ENTREP2: variants seen among roughly 807,000 people sequenced by gnomAD.
The protein encoded by ENTREP2 is protein ENTREP2.
chr15:29,261,483 C>G, the ENTREP2 span, among the ~76,000 whole-genome samples: 2 of 152,212 alleles, frequency 1.3e-5, no homozygotes, highest in African/African-American at 4.8e-5. Flanking sequence ...CTACTGCACT[C>G]TAGCCTGGGC....
At chr15:29,572,630 A>G in the ENTREP2 span, among the ~76,000 whole-genome samples, 3 of 152,058 alleles carry the variant, frequency 2.0e-5, no homozygotes, top group African/African-American at 7.2e-5. Flanking sequence ...AGAGAAACAC[A>G]CAATAGCCTA....
At chr15:29,599,606 A>C in the ENTREP2 span, among the ~76,000 whole-genome samples, 1 of 152,348 alleles carries the variant, frequency 6.6e-6, no homozygotes, top group African/African-American at 2.4e-5. Context: ...GAAACTGGTC[A>C]TAACAATCGC....
At chr15:29,269,893 G>A in the ENTREP2 span, 14 of 543,076 alleles carry the variant, frequency 2.6e-5, no homozygotes, top group Admixed American at 8.6e-5. Flanking sequence ...GCTGCGGCGG[G>A]TACCAAAAGG....
chr15:29,514,621 T>A, the ENTREP2 span, among the ~76,000 whole-genome samples: 1 of 152,210 alleles, frequency 6.6e-6, no homozygotes, highest in South Asian at 2.1e-4. Flanking sequence ...TGCAGCCCTC[T>A]GTCCACCTTC....
the ENTREP2 span, among the ~76,000 whole-genome samples, chr15:29,398,097 A>C: frequency 6.7e-6 from 1 of 150,340 alleles, no homozygotes; most frequent in Admixed American, 6.7e-5. Context: ...TCAAGGGCCA[A>C]CATCCAAACA....
the ENTREP2 span, among the ~76,000 whole-genome samples, chr15:29,229,238 T>A: frequency 1.3e-5 from 2 of 152,168 alleles, no homozygotes; most frequent in Non-Finnish European, 2.9e-5. Context: ...TTATTAAATG[T>A]ACTACTTTTT....
chr15:29,569,852 C>A, the ENTREP2 span: 1 of 152,650 alleles, frequency 6.6e-6, no homozygotes, highest in Non-Finnish European at 1.5e-5. Flanking sequence ...CCTTGCCTGC[C>A]CCCTGCCCCA....
At chr15:29,205,071 C>A in the ENTREP2 span, among the ~76,000 whole-genome samples, 6 of 152,298 alleles carry the variant, frequency 3.9e-5, no homozygotes, top group East Asian at 1.2e-3. Flanking sequence ...TGGAATCAGG[C>A]AGTATTTGTC....
At chr15:29,655,510 C>G in the ENTREP2 span, among the ~76,000 whole-genome samples, 1 of 151,580 alleles carries the variant, frequency 6.6e-6, no homozygotes, top group Non-Finnish European at 1.5e-5. Flanking sequence ...CACAAGAAAG[C>G]AACAAAAAGC....
the ENTREP2 span, among the ~76,000 whole-genome samples, chr15:29,616,492 T>C: frequency 3.3e-5 from 5 of 152,204 alleles, no homozygotes; most frequent in East Asian, 5.8e-4. Context: ...GAAGCTTTTA[T>C]GGAAGCTTTT....
At chr15:29,148,383 C>A in the ENTREP2 span, among the ~76,000 whole-genome samples, 2 of 152,188 alleles carry the variant, frequency 1.3e-5, no homozygotes, top group East Asian at 1.9e-4. Flanking sequence ...TCTGAATCCA[C>A]AAGGAATTGC....
the ENTREP2 span, chr15:29,124,792 T>G: frequency 6.5e-7 from 1 of 1,536,162 alleles, no homozygotes; most frequent in South Asian, 1.2e-5. Context: ...AGTGAACACA[T>G]GAAAGGAAAA....
At chr15:29,620,047 G>C in the ENTREP2 span, among the ~76,000 whole-genome samples, 11 of 152,124 alleles carry the variant, frequency 7.2e-5, no homozygotes, top group Admixed American at 2.0e-4. Flanking sequence ...GAATGTGGGG[G>C]TTTATTATAG....
chr15:29,127,259 C>G, the ENTREP2 span, among the ~76,000 whole-genome samples: 1 of 152,134 alleles, frequency 6.6e-6, no homozygotes, highest in South Asian at 2.1e-4. Context: ...ATGCATGTGA[C>G]AGTGTGATAA....
At chr15:29,490,399 A>C in the ENTREP2 span, among the ~76,000 whole-genome samples, 2 of 152,138 alleles carry the variant, frequency 1.3e-5, no homozygotes, top group African/African-American at 4.8e-5. Flanking sequence ...ATGGAAGAGA[A>C]CCCAAACAGT....
At chr15:29,363,810 G>GT in the ENTREP2 span, among the ~76,000 whole-genome samples, 1 of 152,180 alleles carries the variant, frequency 6.6e-6, no homozygotes, top group African/African-American at 2.4e-5. Context: ...TATGCATAAA[G>GT]TAAGGGCTGG....
chr15:29,389,276 C>T, the ENTREP2 span, among the ~76,000 whole-genome samples: 1 of 152,138 alleles, frequency 6.6e-6, no homozygotes, highest in African/African-American at 2.4e-5. Context: ...TGTTAGGTCA[C>T]CTAGTCTATG....
chr15:29,593,674 T>C, the ENTREP2 span, among the ~76,000 whole-genome samples: 4 of 152,206 alleles, frequency 2.6e-5, no homozygotes, highest in Admixed American at 6.5e-5. Context: ...CAATCTACTT[T>C]ATGCATCAAA....
chr15:29,294,016 C>G, the ENTREP2 span, among the ~76,000 whole-genome samples: 9 of 152,174 alleles, frequency 5.9e-5, no homozygotes, highest in Non-Finnish European at 1.2e-4. Flanking sequence ...CTCCACCCCC[C>G]ATGTCACTGC....
Sources: allele counts gnomAD v4.1 joint callset (sites outside exome capture counted in the v4.1 genomes callset), GRCh38; gene constraint gnomAD v4.1.1; transcripts MANE v1.5; gene names NCBI Gene and HGNC (gene_info 2026-07-23, HGNC 2026-07-21).